CTNNA3: variants seen among roughly 807,000 people sequenced by gnomAD.
CTNNA3 encodes the protein catenin alpha 3.
CTNNA3 carries 76 observed loss-of-function variants against 95.7 expected under a neutral mutation model. The ratio of observed to expected loss-of-function variants is 0.79; its 90% CI spans 0.66 to 0.96. CTNNA3 has a LOEUF of 0.96. Among genes scored for constraint, CTNNA3 ranks in the 40% least tolerant of loss-of-function variants. The pLI, the probability that CTNNA3 is intolerant of heterozygous loss-of-function variation, is 0.00. For synonymous variants in CTNNA3, 431 were observed against 374.4 expected, an observed-to-expected ratio of 1.15 and a Z score of -1.74; for missense variants, 1,191 against 1,089.8, an observed-to-expected ratio of 1.09 and a Z score of -1.31.
intron 5 of CTNNA3, among the ~76,000 whole-genome samples, chr10:67,358,245 C>T (rs549753805): frequency 7.9e-5 from 12 of 151,872 alleles, no homozygotes; most frequent in Non-Finnish European, 1.3e-4. Context: ...AAGCAGGGCA[C>T]GAAACTATAA....
intron 9 of CTNNA3, among the ~76,000 whole-genome samples, chr10:66,653,273 C>T (rs1254443028): frequency 6.6e-6 from 1 of 152,004 alleles, no homozygotes; most frequent in Non-Finnish European, 1.5e-5. Flanking sequence ...TTGCAGGATA[C>T]AACATCAACA....
At position 67,494,578 on chromosome 10, in the gene CTNNA3, T is replaced by C. The variant is rs971475565; in HGVS notation, c.579+27264A>G. Reference sequence around the variant, plus strand: ...CTTTTTAAATTTTGAATGTGTATTGTGGAGGCTATTTGGACCTGCAAAAAC... The same window carrying C: ...CTTTTTAAATTTTGAATGTGTATTGCGGAGGCTATTTGGACCTGCAAAAAC... On this transcript the variant is annotated intron_variant, in intron 5 of 17. Coordinates refer to ENST00000433211, the MANE Select transcript of CTNNA3 (RefSeq NM_013266.4). Among the ~76,000 whole-genome samples, 6 of 152,198 alleles carry C rather than the reference T, an allele frequency of 3.9e-5. No homozygotes were observed. In the East Asian group the frequency reaches 1.2e-3, roughly 29 times the overall value.
At chr10:66,660,686 C>G (rs1184766290) in intron 9 of CTNNA3, among the ~76,000 whole-genome samples, 1 of 152,160 alleles carries the variant, frequency 6.6e-6, no homozygotes. Context: ...TTCTCCTCAG[C>G]TGATAATATG....
intron 7 of CTNNA3, among the ~76,000 whole-genome samples, chr10:66,795,103 T>G (rs10762105): frequency 0.23 from 34,248 of 152,120 alleles, 4,750 homozygotes; most frequent in East Asian, 0.48. Flanking sequence ...AATATAATGT[T>G]GATATTTTGA....
intron 3 of CTNNA3, among the ~76,000 whole-genome samples, chr10:67,579,354 T>C (rs1341407479): frequency 2.6e-5 from 4 of 152,040 alleles, no homozygotes; most frequent in South Asian, 2.1e-4. Flanking sequence ...GTTACCAGCT[T>C]CATCCATGTC....
At chr10:66,222,092 T>C (rs1564782127) in intron 13 of CTNNA3, among the ~76,000 whole-genome samples, 2 of 152,174 alleles carry the variant, frequency 1.3e-5, no homozygotes, top group Non-Finnish European at 2.9e-5. Context: ...ATATTGATTA[T>C]GGGTATTCTC....
At chr10:67,224,014 A>T (rs893510114) in intron 5 of CTNNA3, among the ~76,000 whole-genome samples, 1 of 152,232 alleles carries the variant, frequency 6.6e-6, no homozygotes, top group African/African-American at 2.4e-5. Flanking sequence ...TTTCATATAC[A>T]TATACATTGT....
Position 67,521,915 on chromosome 10 carries a change from T to A in CTNNA3, c.506A>T (p.Asp169Val). The A allele has an allele frequency of 6.2e-7, 1 of 1,612,746 alleles. No individual in the cohort carries two copies. Among genetic ancestry groups the A allele is most frequent in the South Asian group, 1.1e-5 (1 of 90,870 alleles). ...AAGCTTCTGGTAGGTTTTCTGGAGG[T>A]CAGATTTGTTGGCAACATTTTTGAG... ...ESLKNVANKSDLQKTYQKLGK... is the reference protein window; with the variant it reads ...ESLKNVANKSVLQKTYQKLGK... The change falls in exon 5 of 18, where the codon GAC (aspartate) becomes GTC (valine). Residue 169 changes from aspartate (D) to valine (V), a missense_variant. Coordinates refer to ENST00000433211, the MANE Select transcript of CTNNA3 (RefSeq NM_013266.4).
chr10:66,789,332 G>A (rs1164505225), intron 7 of CTNNA3, among the ~76,000 whole-genome samples: 1 of 151,762 alleles, frequency 6.6e-6, no homozygotes, highest in Non-Finnish European at 1.5e-5. Context: ...GCATCACCAC[G>A]CCCGGCTAAT....
intron 5 of CTNNA3, among the ~76,000 whole-genome samples, chr10:67,301,280 A>G (rs1211253407): frequency 1.3e-5 from 2 of 152,090 alleles, no homozygotes; most frequent in African/African-American, 4.8e-5. Context: ...CAATCTTTAC[A>G]ATTATTAAAA....
At chr10:67,575,996 AT>A in intron 3 of CTNNA3, among the ~76,000 whole-genome samples, 1 of 152,312 alleles carries the variant, frequency 6.6e-6, no homozygotes, top group Non-Finnish European at 1.5e-5. Flanking sequence ...AGTTAAAAGG[AT>A]TATGGTAAAT....
chr10:66,660,014 G>A (rs1183703959), intron 9 of CTNNA3, among the ~76,000 whole-genome samples: 1 of 151,872 alleles, frequency 6.6e-6, no homozygotes, highest in African/African-American at 2.4e-5. Context: ...TAGTGACAGG[G>A]TCTCACTAAG....
intron 7 of CTNNA3, among the ~76,000 whole-genome samples, chr10:67,055,885 T>C (rs984092721): frequency 6.6e-6 from 1 of 152,090 alleles, no homozygotes; most frequent in Non-Finnish European, 1.5e-5. Flanking sequence ...ATCATGAATA[T>C]AGATTTAGTT....
intron 2 of CTNNA3, among the ~76,000 whole-genome samples, chr10:67,611,644 G>C (rs1843463116): frequency 6.6e-6 from 1 of 151,914 alleles, no homozygotes; most frequent in African/African-American, 2.4e-5. Flanking sequence ...TGCCAACTTG[G>C]GTAACACAAT....
At chr10:67,709,205 CTT>C (rs1841093870) in intron 1 of CTNNA3, among the ~76,000 whole-genome samples, 2 of 152,094 alleles carry the variant, frequency 1.3e-5, no homozygotes. Context: ...GTGCACAACT[CTT>C]GATATAATAC....
chr10:66,649,300 G>A (rs1845814937), intron 9 of CTNNA3, among the ~76,000 whole-genome samples: 1 of 152,148 alleles, frequency 6.6e-6, no homozygotes, highest in African/African-American at 2.4e-5. Context: ...TATCCCCACA[G>A]AGAAACATTA....
chr10:66,949,088 T>A (rs1848411209), intron 7 of CTNNA3, among the ~76,000 whole-genome samples: 1 of 152,220 alleles, frequency 6.6e-6, no homozygotes, highest in Non-Finnish European at 1.5e-5. Flanking sequence ...AAATTTATAA[T>A]CTGCATTGAT....
chr10:66,485,051 T>C (rs1839678569), intron 11 of CTNNA3, among the ~76,000 whole-genome samples: 1 of 151,948 alleles, frequency 6.6e-6, no homozygotes, highest in Admixed American at 6.6e-5. Flanking sequence ...ATGATAAAAA[T>C]ACTCAGCAAA....
chr10:67,159,175 C>A (rs901907498), intron 7 of CTNNA3, among the ~76,000 whole-genome samples: 1 of 152,204 alleles, frequency 6.6e-6, no homozygotes, highest in Non-Finnish European at 1.5e-5. Context: ...TGACCGCCAG[C>A]GCATGCAGCC....
Sources: allele counts gnomAD v4.1 joint callset (sites outside exome capture counted in the v4.1 genomes callset), GRCh38; gene constraint gnomAD v4.1.1; transcripts MANE v1.5; gene names NCBI Gene and HGNC (gene_info 2026-07-23, HGNC 2026-07-21).